Variants in GALNTL6 observed in about 807,000 individuals in gnomAD.
The protein encoded by GALNTL6 is polypeptide N-acetylgalactosaminyltransferase-like 6.
Under a neutral mutation model 73.7 loss-of-function variants are expected in GALNTL6, and 46 were observed. The ratio of observed to expected loss-of-function variants is 0.62; its 90% confidence interval spans 0.49 to 0.80. The LOEUF (loss-of-function observed/expected upper bound fraction) is 0.80. Ranked by LOEUF, GALNTL6 falls within the 30% of genes least tolerant of loss-of-function variation. The probability of loss-of-function intolerance (pLI) is 0.00; values close to 1 mark genes in which losing one functional copy is unlikely to be tolerated. For synonymous variants in GALNTL6, 259 were observed against 263.7 expected (o/e 0.98, Z 0.17); for missense variants, 604 against 755.0 (o/e 0.80, Z 2.34).
At chr4:172,834,877 A>T (rs1742826340) in intron 7 of GALNTL6, among the ~76,000 whole-genome samples, 2 of 152,238 alleles carry the variant, frequency 1.3e-5, no homozygotes, top group African/African-American at 4.8e-5. Flanking sequence ...CTTGTTCAAG[A>T]ACCATGAGTG....
intron 5 of GALNTL6, among the ~76,000 whole-genome samples, chr4:172,519,002 T>G (rs1465983422): frequency 6.6e-6 from 1 of 151,702 alleles, no homozygotes; most frequent in Non-Finnish European, 1.5e-5. Flanking sequence ...GTTACGAAAC[T>G]CAGTGTTGAC....
At chr4:172,105,346 A>G (rs1732647131) in intron 2 of GALNTL6, among the ~76,000 whole-genome samples, 1 of 152,064 alleles carries the variant, frequency 6.6e-6, no homozygotes, top group Non-Finnish European at 1.5e-5. Flanking sequence ...TTAAAAGTGA[A>G]AGAGAAGTAA....
intron 9 of GALNTL6, among the ~76,000 whole-genome samples, chr4:172,938,795 A>C (rs952211932): frequency 1.2e-4 from 19 of 152,252 alleles, no homozygotes; most frequent in African/African-American, 4.6e-4. Context: ...CCCAAAAAGC[A>C]GGAAATGATA....
At chr4:172,405,281 C>T (rs921922879) in intron 5 of GALNTL6, among the ~76,000 whole-genome samples, 4 of 149,592 alleles carry the variant, frequency 2.7e-5, no homozygotes, top group Admixed American at 6.7e-5. Context: ...AAAAGAAATA[C>T]ATACTTATAT....
intron 2 of GALNTL6, among the ~76,000 whole-genome samples, chr4:172,024,758 A>G (rs1741504395): frequency 6.6e-6 from 1 of 151,966 alleles, no homozygotes; most frequent in African/African-American, 2.4e-5. Context: ...CAACCAGTAT[A>G]GATTTTTGTG....
intron 2 of GALNTL6, among the ~76,000 whole-genome samples, chr4:171,946,643 A>G (rs1289071358): frequency 6.6e-6 from 1 of 152,112 alleles, no homozygotes; most frequent in Admixed American, 6.5e-5. Context: ...ACATGTTATG[A>G]AGAGAATAAA....
chr4:172,776,815 C>A (rs866832608), intron 5 of GALNTL6, among the ~76,000 whole-genome samples: 30 of 152,136 alleles, frequency 2.0e-4, no homozygotes, highest in Admixed American at 4.6e-4. Context: ...ATATGTGGAC[C>A]ACCACTAGTA....
intron 5 of GALNTL6, among the ~76,000 whole-genome samples, chr4:172,584,788 C>T (rs1314330820): frequency 2.0e-5 from 3 of 152,068 alleles, no homozygotes; most frequent in African/African-American, 4.8e-5. Context: ...GGGTATATTT[C>T]GGCTGTGAAT....
At chr4:172,530,769 T>G (rs746913099) in intron 5 of GALNTL6, among the ~76,000 whole-genome samples, 7 of 152,230 alleles carry the variant, frequency 4.6e-5, no homozygotes, top group Non-Finnish European at 5.9e-5. Flanking sequence ...TTTGATAACT[T>G]TAGTACATAC....
At chr4:172,582,653 G>A (rs533590579) in intron 5 of GALNTL6, among the ~76,000 whole-genome samples, 50 of 152,046 alleles carry the variant, frequency 3.3e-4, no homozygotes, top group African/African-American at 1.0e-3. Context: ...AGTTTGTGTT[G>A]TTGTTACAGA....
intron 10 of GALNTL6, among the ~76,000 whole-genome samples, chr4:172,996,691 T>C (rs1364482384): frequency 1.3e-5 from 2 of 152,108 alleles, no homozygotes; most frequent in Admixed American, 6.6e-5. Context: ...TCAAAGATGA[T>C]ATGAGAGGGC....
intron 3 of GALNTL6, among the ~76,000 whole-genome samples, chr4:172,298,726 C>G (rs1739783177): frequency 6.6e-6 from 1 of 152,166 alleles, no homozygotes; most frequent in African/African-American, 2.4e-5. Flanking sequence ...CCCACTTGAT[C>G]ATGGTGGATA....
intron 5 of GALNTL6, among the ~76,000 whole-genome samples, chr4:172,437,572 C>T (rs888947058): frequency 1.3e-5 from 2 of 152,136 alleles, no homozygotes; most frequent in African/African-American, 4.8e-5. Context: ...TATTAGCCAA[C>T]AATCTTGCTT....
intron 5 of GALNTL6, among the ~76,000 whole-genome samples, chr4:172,642,539 T>C (rs1207079200): frequency 6.6e-6 from 1 of 151,792 alleles, no homozygotes; most frequent in Non-Finnish European, 1.5e-5. Flanking sequence ...TTTATAGAAG[T>C]AAAAAATAGA....
chr4:172,363,175 C>G (rs1742432949), intron 5 of GALNTL6, among the ~76,000 whole-genome samples: 1 of 152,066 alleles, frequency 6.6e-6, no homozygotes, highest in Non-Finnish European at 1.5e-5. Context: ...CCAAATTTTG[C>G]TTCACATGGC....
chr4:172,334,572 T>C (rs1256743351), intron 4 of GALNTL6, among the ~76,000 whole-genome samples: 2 of 152,198 alleles, frequency 1.3e-5, no homozygotes, highest in East Asian at 3.9e-4. Flanking sequence ...TTTACATTAA[T>C]TTTTTATCCT....
chr4:172,547,752 C>T (rs1735825281), intron 5 of GALNTL6, among the ~76,000 whole-genome samples: 1 of 152,126 alleles, frequency 6.6e-6, no homozygotes, highest in Non-Finnish European at 1.5e-5. Flanking sequence ...ATTTTTCTCT[C>T]CTTCACAACG....
chr4:172,122,193 A>C (rs1489674915), intron 2 of GALNTL6, among the ~76,000 whole-genome samples: 1 of 151,858 alleles, frequency 6.6e-6, no homozygotes, highest in Admixed American at 6.6e-5. Context: ...CTCACCCACT[A>C]GGTAGACTAA....
At chr4:171,988,167 A>G (rs188594942) in intron 2 of GALNTL6, among the ~76,000 whole-genome samples, 1 of 152,232 alleles carries the variant, frequency 6.6e-6, no homozygotes, top group Admixed American at 6.5e-5. Context: ...TTGTTTGGAC[A>G]GAAAGGCTAC....
Sources: gnomAD v4.1 joint callset for allele counts (sites outside exome capture counted in the v4.1 genomes callset) on GRCh38, gnomAD v4.1.1 for gene constraint, MANE v1.5 for transcripts, NCBI Gene and HGNC (gene_info 2026-07-23, HGNC 2026-07-21) for gene names.